NNMT: variants seen among roughly 807,000 people sequenced by gnomAD.
NNMT encodes nicotinamide N-methyltransferase.
A neutral mutation model predicts 11.7 loss-of-function variants in NNMT; 10 were observed. The observed-to-expected ratio is 0.85, with a 90% CI of 0.53 to 1.45. The LOEUF is 1.45. Among genes scored for constraint, NNMT ranks in the 40% most tolerant of loss-of-function variants. NNMT has a pLI of 0.00. For synonymous variants in NNMT, 143 were observed against 133.8 expected (o/e 1.07, Z -0.48); for missense variants, 381 against 319.4 (o/e 1.19, Z -1.47).
chr11:114,283,662 T>C (rs1180963010), intron 2 of NNMT, among the ~76,000 whole-genome samples: 1 of 152,236 alleles, frequency 6.6e-6, no homozygotes, highest in Non-Finnish European at 1.5e-5. Context: ...CAGAATCTTA[T>C]TTCCATGAGG....
At chr11:114,263,085 C>T (rs892336148) in intron 2 of NNMT, among the ~76,000 whole-genome samples, 2 of 152,150 alleles carry the variant, frequency 1.3e-5, no homozygotes, top group South Asian at 2.1e-4. Flanking sequence ...CCTCCTTCAC[C>T]CCCATCCCAA....
intron 2 of NNMT, among the ~76,000 whole-genome samples, chr11:114,278,026 C>A (rs1337840357): frequency 2.0e-5 from 3 of 152,172 alleles, no homozygotes; most frequent in African/African-American, 7.2e-5. Flanking sequence ...AATATGTTGG[C>A]TGCTATGTTA....
At chr11:114,259,581 T>G (rs1430625552) in intron 1 of NNMT, among the ~76,000 whole-genome samples, 2 of 152,106 alleles carry the variant, frequency 1.3e-5, no homozygotes, top group African/African-American at 4.8e-5. Flanking sequence ...ATCCCCCAGC[T>G]CTCTGTGTGG....
chr11:114,295,353 A>G (rs1945365148), upstream of NNMT, among the ~76,000 whole-genome samples: 1 of 150,860 alleles, frequency 6.6e-6, no homozygotes, highest in African/African-American at 2.4e-5. Context: ...GCGGGGAGTG[A>G]GCTGAAGCCA....
At chr11:114,269,693 T>C (rs1005063745) in intron 2 of NNMT, among the ~76,000 whole-genome samples, 1 of 152,148 alleles carries the variant, frequency 6.6e-6, no homozygotes, top group African/African-American at 2.4e-5. Context: ...GAGGTGTTGT[T>C]TGCATTTTCT....
intron 2 of NNMT, among the ~76,000 whole-genome samples, chr11:114,272,290 T>C (rs1358396466): frequency 6.6e-6 from 1 of 152,062 alleles, no homozygotes; most frequent in Non-Finnish European, 1.5e-5. Flanking sequence ...CTCTATTTAC[T>C]GTGGAAGGAC....
Position 114,312,222 on chromosome 11 carries a change from CAGG to C in NNMT, c.542_544del (p.Arg181del), listed in dbSNP as rs1945557813. The C allele has an allele frequency of 1.2e-6, 2 of 1,614,092 alleles. No individual in the cohort carries two copies. The highest frequency in any genetic ancestry group is 2.2e-5 in the South Asian group (2 of 91,088). ...ACCTCCCCACCTACTGCAGGGCGCTCAGGAACCTCGGCAGCCTACTGAAGCCAG... is the reference window on the plus strand; with the variant it reads ...ACCTCCCCACCTACTGCAGGGCGCTCAACCTCGGCAGCCTACTGAAGCCAG... On this transcript the variant is annotated inframe_deletion, in exon 3 of 3. Coordinates refer to ENST00000299964, the MANE Select transcript of NNMT (RefSeq NM_006169.3).
In NNMT at chr11:114,312,445, C is replaced by T. The variant is rs369151866; in HGVS notation, c.763C>T (p.Leu255=). 3 of 1,613,958 alleles carry T rather than the reference C, an allele frequency of 1.9e-6. No homozygotes were observed. In the African/African-American group the frequency reaches 4.0e-5, roughly 22 times the overall value. Residue 255 remains leucine (L), a synonymous_variant, in exon 3 of 3, where the codon CTG becomes TTG. Transcript: ENST00000299964. ...TMANNEGLFS[L]VARKLSRPL ...GGCCAACAACGAAGGACTTTTCTCC[C>T]TGGTGGCGAGGAAGCTGAGCAGACC...
chr11:114,259,114 A>G (rs1945053724), intron 1 of NNMT, among the ~76,000 whole-genome samples: 1 of 152,148 alleles, frequency 6.6e-6, no homozygotes, highest in Non-Finnish European at 1.5e-5. Flanking sequence ...TGTGTTATCT[A>G]TCTTTGTGTT....
intron 2 of NNMT, among the ~76,000 whole-genome samples, chr11:114,311,351 A>G (rs1224779926): frequency 6.6e-6 from 1 of 152,176 alleles, no homozygotes; most frequent in Non-Finnish European, 1.5e-5. Flanking sequence ...CAAAACAAAA[A>G]ACCCAAAACA....
intron 1 of NNMT, 68 bp downstream of exon 1, chr11:114,296,778 G>A: frequency 6.6e-7 from 1 of 1,506,266 alleles, no homozygotes; most frequent in Admixed American, 1.8e-5. Context: ...GGGCACGACT[G>A]GGTTTTGTGT....
chr11:114,297,620 G>A (rs774080478), intron 1 of NNMT, among the ~76,000 whole-genome samples: 23 of 151,468 alleles, frequency 1.5e-4, no homozygotes, highest in Non-Finnish European at 2.2e-4. Flanking sequence ...CCAATAACTA[G>A]GTCTTCAGGC....
intron 2 of NNMT, among the ~76,000 whole-genome samples, chr11:114,290,268 G>A (rs771899870): frequency 1.3e-4 from 20 of 152,226 alleles, no homozygotes; most frequent in Admixed American, 3.9e-4. Flanking sequence ...GCTTTTGTCT[G>A]TTTTTAATCC....
intron 2 of NNMT, among the ~76,000 whole-genome samples, chr11:114,275,203 T>A (rs1440742970): frequency 6.6e-6 from 1 of 152,122 alleles, no homozygotes; most frequent in Non-Finnish European, 1.5e-5. Context: ...TATTCATACC[T>A]CAGTATGAAT....
chr11:114,310,273 A>G (rs1418683874), intron 2 of NNMT, among the ~76,000 whole-genome samples: 2 of 152,238 alleles, frequency 1.3e-5, no homozygotes, highest in Non-Finnish European at 2.9e-5. Flanking sequence ...AACACTTGGT[A>G]TTATCTGTCT....
intron 2 of NNMT, among the ~76,000 whole-genome samples, chr11:114,302,464 C>T (rs1230288763): frequency 1.3e-5 from 2 of 152,068 alleles, no homozygotes; most frequent in Non-Finnish European, 2.9e-5. Flanking sequence ...ACCGACTTTC[C>T]TGGCCCTTAT....
At chr11:114,278,959 C>A (rs1234267908) in intron 2 of NNMT, among the ~76,000 whole-genome samples, 3 of 152,162 alleles carry the variant, frequency 2.0e-5, no homozygotes, top group Non-Finnish European at 1.5e-5. Flanking sequence ...GTGCCCTACG[C>A]AAGACTGGGT....
At chr11:114,297,207 T>C (rs1945389170) in intron 1 of NNMT, among the ~76,000 whole-genome samples, 1 of 152,248 alleles carries the variant, frequency 6.6e-6, no homozygotes, top group African/African-American at 2.4e-5. Flanking sequence ...ACAGACTTTC[T>C]GGATCTGGTG....
intron 2 of NNMT, among the ~76,000 whole-genome samples, chr11:114,310,772 T>C (rs925585445): frequency 2.0e-5 from 3 of 152,258 alleles, no homozygotes; most frequent in African/African-American, 7.2e-5. Context: ...CTCTTAGTGC[T>C]CTGGGGCCTG....
Sources: allele counts gnomAD v4.1 joint callset (sites outside exome capture counted in the v4.1 genomes callset), GRCh38; gene constraint gnomAD v4.1.1; transcripts MANE v1.5; gene names NCBI Gene and HGNC (gene_info 2026-07-23, HGNC 2026-07-21).